The following L3MBTL2 variants were observed in gnomAD, a reference collection of about 807,000 sequenced individuals.
L3MBTL2 encodes L3MBTL histone methyl-lysine binding protein 2, also known as lethal(3)malignant brain tumor-like protein 2.
L3MBTL2 carries 49 observed loss-of-function variants against 86.4 expected under a neutral mutation model. The observed-to-expected ratio is 0.57, with a 90% CI of 0.45 to 0.72. L3MBTL2 has a LOEUF of 0.72. Ranked by LOEUF, L3MBTL2 falls within the 30% of genes least tolerant of loss-of-function variation. The pLI is 0.00. For missense variants in L3MBTL2, 755 were observed against 923.7 expected, an observed-to-expected ratio of 0.82 and a Z score of 2.37; for synonymous variants, 336 against 350.6, an observed-to-expected ratio of 0.96 and a Z score of 0.47.
chr22:41,220,414 C>CGGGCG, intron 6 of L3MBTL2, among the ~76,000 whole-genome samples: 1 of 151,558 alleles, frequency 6.6e-6, no homozygotes, highest in South Asian at 2.1e-4. Flanking sequence ...CAAGCTAGGC[C>CGGGCG]CGGTGGCTCA....
chr22:41,210,168 A>C (rs1388445990), intron 2 of L3MBTL2, among the ~76,000 whole-genome samples: 1 of 71,618 alleles, frequency 1.4e-5, no homozygotes, highest in Non-Finnish European at 2.5e-5. Flanking sequence ...TTTTTTTTTG[A>C]GACTTGAGTG....
intron 8 of L3MBTL2, among the ~76,000 whole-genome samples, chr22:41,222,279 G>C (rs2031881288): frequency 6.6e-6 from 1 of 152,142 alleles, no homozygotes; most frequent in African/African-American, 2.4e-5. Flanking sequence ...TAGTCTGGCA[G>C]AGGAAACAAA....
At position 41,224,053 on chromosome 22, in the gene L3MBTL2, G is replaced by T; in HGVS notation, c.976G>T (p.Gly326Cys). The change falls in exon 9 of 17, where the codon GGC becomes TGC. Residue 326 changes from glycine to cysteine, a missense_variant. Coordinates refer to ENST00000216237, the MANE Select transcript of L3MBTL2 (RefSeq NM_031488.5). This position sits in a 1 kb window ranked among gnomAD's most constrained non-coding sequence, Gnocchi z 4.9. ...VESMKYPFRQ[G>C]MRLEVVDKSQ... ...GAGCATGAAGTACCCCTTTAGGCAGGGCATGCGGCTGGAAGTGGTGGACAA... is the reference window on the plus strand; with the variant it reads ...GAGCATGAAGTACCCCTTTAGGCAGTGCATGCGGCTGGAAGTGGTGGACAA... The T allele has an allele frequency of 3.7e-6, 6 of 1,614,216 alleles. 1 individual carries two copies. The highest frequency in any genetic ancestry group is 2.2e-5 in the South Asian group (2 of 91,088).
intron 1 of L3MBTL2, among the ~76,000 whole-genome samples, chr22:41,206,785 C>T (rs906678624): frequency 4.7e-5 from 7 of 150,508 alleles, no homozygotes; most frequent in East Asian, 1.9e-4. Context: ...CCAGCCTGGA[C>T]GACAGAGCGA....
intron 2 of L3MBTL2, among the ~76,000 whole-genome samples, chr22:41,212,021 G>A (rs1277844195): frequency 2.7e-5 from 4 of 147,916 alleles, no homozygotes; most frequent in Non-Finnish European, 6.0e-5. Context: ...CCTCCGCCAT[G>A]CCCGGCTAAT....
In L3MBTL2 at chr22:41,220,727, C is replaced by G. The variant is rs766491510; in HGVS notation, c.719-7C>G. ...TCCCTCACAGGTGCCCTTTCCTTTCCTTTCAGGGTATCGGGTGCTGCTTCG... is the reference window on the plus strand; with the variant it reads ...TCCCTCACAGGTGCCCTTTCCTTTCGTTTCAGGGTATCGGGTGCTGCTTCG... On this transcript the variant is annotated splice_region_variant and splice_polypyrimidine_tract_variant and intron_variant, in intron 6 of 16. Coordinates refer to ENST00000216237, the MANE Select transcript of L3MBTL2 (RefSeq NM_031488.5). 56 of 1,609,230 alleles carry G rather than the reference C, an allele frequency of 3.5e-5. No homozygotes were observed. Among genetic ancestry groups the G allele is most frequent in the Non-Finnish European group, 4.1e-5 (48 of 1,176,618 alleles).
intron 1 of L3MBTL2, among the ~76,000 whole-genome samples, chr22:41,207,902 G>A (rs1250027859): frequency 1.3e-5 from 2 of 151,754 alleles, no homozygotes; most frequent in African/African-American, 4.8e-5. Context: ...TGCAATCTCG[G>A]CTCACTGCAA....
intron 2 of L3MBTL2, among the ~76,000 whole-genome samples, chr22:41,213,059 CA>C (rs1255091517): frequency 3.3e-5 from 5 of 151,334 alleles, no homozygotes; most frequent in African/African-American, 1.2e-4. Flanking sequence ...CTACTAAAAA[CA>C]CAAAAAAATT....
At chr22:41,222,641 ACGG>A (rs2031904514) in intron 8 of L3MBTL2, among the ~76,000 whole-genome samples, 1 of 151,726 alleles carries the variant, frequency 6.6e-6, no homozygotes, top group African/African-American at 2.4e-5. Context: ...TTAGCTAGGC[ACGG>A]CACAGTGGCT....
chr22:41,227,936 G>T lies in L3MBTL2; in HGVS notation c.1888+67G>T. The stretch of plus-strand genomic sequence containing the variant: ...GAGCAGTGGGCCTGCGTCCCTGGGA[G>T]CAGGCGGGGGTCAGCCCCCAGGCAC... On this transcript the variant is annotated intron_variant, in intron 15 of 16. Transcript: ENST00000216237. This position sits in a 1 kb window ranked among gnomAD's most constrained non-coding sequence, Gnocchi z 6.0. The T allele has an allele frequency of 6.3e-7, 1 of 1,579,906 alleles. No homozygotes were observed. Among genetic ancestry groups the T allele is most frequent in the Non-Finnish European group, 8.6e-7 (1 of 1,162,796 alleles).
In L3MBTL2 at chr22:41,231,050, T is replaced by C. The variant is rs960570110; in HGVS notation, c.*799T>C. 6.6e-6 allele frequency: 1 copy of C among 152,220 alleles called. No homozygotes were observed. Among genetic ancestry groups the C allele is most frequent in the African/African-American group, 2.4e-5 (1 of 41,446 alleles). The allele number at this position is 152,220 out of a possible 1,614,324, so 9.4% of individuals were successfully genotyped here. ...TAATTCATCCAAGATTCCTTTGTAG[T>C]TAAAGGGTCCAGTTCTGACTGGAGC... On this transcript the variant is annotated 3_prime_UTR_variant, in exon 17 of 17. Coordinates refer to ENST00000216237, the MANE Select transcript of L3MBTL2 (RefSeq NM_031488.5).
chr22:41,207,165 G>A (rs909421098), intron 1 of L3MBTL2, among the ~76,000 whole-genome samples: 1 of 150,718 alleles, frequency 6.6e-6, no homozygotes, highest in Non-Finnish European at 1.5e-5. Context: ...AACCTTTATT[G>A]AGCACTTACT....
intron 4 of L3MBTL2, chr22:41,216,902 A>G (rs1054443066): frequency 1.4e-5 from 7 of 496,056 alleles, no homozygotes; most frequent in African/African-American, 9.8e-5. Context: ...TCTACTCCTG[A>G]GAGTCTTGCC....
chr22:41,229,437 T>C (rs2032423496), intron 15 of L3MBTL2, 103 bp from the exon 16 acceptor site: 1 of 1,362,352 alleles, frequency 7.3e-7, no homozygotes, highest in Non-Finnish European at 1.0e-6. Flanking sequence ...AAACTGGCAC[T>C]TTTCCCTCTG....
intron 7 of L3MBTL2, 150 bp downstream of exon 7, chr22:41,221,018 G>A: frequency 9.8e-7 from 1 of 1,022,604 alleles, no homozygotes; most frequent in Non-Finnish European, 1.4e-6. Flanking sequence ...CCATCCCAGA[G>A]GCCTGGGGGC....
In L3MBTL2 at chr22:41,227,770, TCTC is replaced by T; in HGVS notation, c.1823-33_1823-31del. The T allele has an allele frequency of 1.9e-6, 3 of 1,613,116 alleles. No individual in the cohort carries two copies. Among genetic ancestry groups the T allele is most frequent in the Non-Finnish European group, 2.5e-6 (3 of 1,179,552 alleles). ...CCCTGTGTCCTCCCAGGGACCCTCT[TCTC>T]ATCTCTTTCACCCTTGTCTTTCAAC... On this transcript the variant is annotated intron_variant, in intron 14 of 16. Coordinates refer to ENST00000216237, the MANE Select transcript of L3MBTL2 (RefSeq NM_031488.5). This position sits in a 1 kb window ranked among gnomAD's most constrained non-coding sequence, Gnocchi z 6.0.
chr22:41,230,331 C>A lies in L3MBTL2; in HGVS notation c.*80C>A. 2 of 1,064,302 alleles carry A rather than the reference C, an allele frequency of 1.9e-6. No homozygotes were observed. The highest frequency in any genetic ancestry group is 2.9e-6 in the Non-Finnish European group (2 of 692,884). 65.9% of individuals were successfully genotyped at this position (1,064,302 alleles called of 1,614,324 possible). A position where few individuals can be genotyped will look rare whatever the true frequency, so the allele number is the denominator to read the frequency against. ...CCACCACCACCATGCCTCCACCTGA[C>A]TTTGGCTTGGAGACTGATCCTCTCT... is the stretch of plus-strand genomic sequence containing the variant. On this transcript the variant is annotated 3_prime_UTR_variant, in exon 17 of 17. Coordinates refer to ENST00000216237, the MANE Select transcript of L3MBTL2 (RefSeq NM_031488.5).
rs770867633 is a variant in L3MBTL2, at chr22:41,221,209, C to G, written c.864C>G (p.Ala288=). 6 of 1,550,018 alleles carry G rather than the reference C, an allele frequency of 3.9e-6. No homozygotes were observed. Among genetic ancestry groups the G allele is most frequent in the Non-Finnish European group, 4.4e-6 (5 of 1,145,702 alleles). Residue 288 remains alanine (A), a synonymous_variant, in exon 8 of 17, where the codon GCC becomes GCG. Coordinates refer to ENST00000216237, the MANE Select transcript of L3MBTL2 (RefSeq NM_031488.5). ...KILVPPRTIH[A]KFTDWKGYLM... is the part of the protein sequence containing the mutation. ...CTGGTGCCTCCACAGCCATCCATGC[C>G]AAGTTCACCGACTGGAAGGGCTACC... is the stretch of plus-strand genomic sequence containing the variant.
At chr22:41,226,371 G>A (rs2032185911) in intron 12 of L3MBTL2, among the ~76,000 whole-genome samples, 2 of 152,232 alleles carry the variant, frequency 1.3e-5, no homozygotes, top group Admixed American at 6.5e-5. Flanking sequence ...GTATGGGAAA[G>A]GTGACAGAGC....
Sources: gnomAD v4.1 joint callset for allele counts (sites outside exome capture counted in the v4.1 genomes callset) on GRCh38, gnomAD v4.1.1 for gene constraint, Gnocchi (gnomAD v3.1) non-coding constraint, MANE v1.5 for transcripts, NCBI Gene and HGNC (gene_info 2026-07-23, HGNC 2026-07-21) for gene names.